The following NAV2 variants were observed in gnomAD, a reference collection of about 807,000 sequenced individuals.
NAV2 encodes helicase, APC down-regulated 1.
Under a neutral mutation model 223.2 loss-of-function variants are expected in NAV2, and 54 were observed. The observed-to-expected ratio is 0.24, with a 90% CI of 0.19 to 0.30. The LOEUF is 0.30. Ranked by LOEUF, NAV2 falls within the 10% of genes least tolerant of loss-of-function variation. The probability of loss-of-function intolerance (pLI) is 1.00; values close to 1 mark genes in which losing one functional copy is unlikely to be tolerated. For synonymous variants in NAV2, 1,279 were observed against 1,239.3 expected (o/e 1.03, Z -0.67); for missense variants, 2,806 against 3,147.5 (o/e 0.89, Z 2.60).
At chr11:19,902,202 T>C (rs550777509) in intron 6 of NAV2, among the ~76,000 whole-genome samples, 3 of 152,318 alleles carry the variant, frequency 2.0e-5, no homozygotes, top group Admixed American at 2.0e-4. Flanking sequence ...CAGTCAAACA[T>C]CAAGGTGAAA....
chr11:20,011,786 C>T (rs554242484), intron 11 of NAV2, among the ~76,000 whole-genome samples: 2 of 152,352 alleles, frequency 1.3e-5, no homozygotes, highest in South Asian at 4.1e-4. Context: ...TTAATGGTCA[C>T]ACACAGGATT....
chr11:19,474,592 T>G (rs1031378323), intron 1 of NAV2, among the ~76,000 whole-genome samples: 13 of 151,966 alleles, frequency 8.6e-5, no homozygotes, highest in Non-Finnish European at 8.8e-5. Flanking sequence ...AGCAATGGAG[T>G]GAAGGAGTGG....
At chr11:19,792,278 T>C (rs2057575445) in intron 1 of NAV2, among the ~76,000 whole-genome samples, 1 of 152,160 alleles carries the variant, frequency 6.6e-6, no homozygotes, top group Non-Finnish European at 1.5e-5. Flanking sequence ...CCTTCTCCCA[T>C]AATTTCTTCT....
intron 1 of NAV2, among the ~76,000 whole-genome samples, chr11:19,479,780 T>C (rs960456680): frequency 9.2e-5 from 14 of 152,202 alleles, no homozygotes; most frequent in Admixed American, 6.5e-4. Context: ...TAGTGCCCAA[T>C]CTAAGCCTTG....
At chr11:20,082,270 GTGAC>G (rs1490808633) in intron 25 of NAV2, among the ~76,000 whole-genome samples, 1 of 152,136 alleles carries the variant, frequency 6.6e-6, no homozygotes, top group Admixed American at 6.5e-5. Context: ...GCACAGAGAG[GTGAC>G]TGACAAGAAA....
intron 1 of NAV2, chr11:19,504,869 A>G (rs1239439052): frequency 1.3e-5 from 2 of 152,250 alleles, no homozygotes; most frequent in Non-Finnish European, 2.9e-5. Context: ...AACTGGTCCC[A>G]ATTCGATCCT....
chr11:19,831,946 C>T (rs1250091854), intron 1 of NAV2, among the ~76,000 whole-genome samples: 1 of 152,208 alleles, frequency 6.6e-6, no homozygotes, highest in Non-Finnish European at 1.5e-5. Flanking sequence ...TAACTTCACT[C>T]ACACAAGAGT....
chr11:19,603,418 G>A (rs1385494917), intron 1 of NAV2, among the ~76,000 whole-genome samples: 1 of 152,056 alleles, frequency 6.6e-6, no homozygotes, highest in Non-Finnish European at 1.5e-5. Flanking sequence ...ACGAGGTCAG[G>A]AGATTAAGAC....
intron 12 of NAV2, among the ~76,000 whole-genome samples, chr11:20,038,909 G>T (rs1329404199): frequency 6.6e-6 from 1 of 152,242 alleles, no homozygotes; most frequent in Non-Finnish European, 1.5e-5. Flanking sequence ...ATAGCTGATT[G>T]AAAGAAGAGG....
intron 11 of NAV2, among the ~76,000 whole-genome samples, chr11:20,025,557 C>A (rs758623061): frequency 1.3e-5 from 2 of 152,156 alleles, no homozygotes; most frequent in Non-Finnish European, 1.5e-5. Flanking sequence ...GGCTTTCTAA[C>A]GCGACCAAGC....
At chr11:20,050,937 G>A (rs2057942218) in intron 16 of NAV2, among the ~76,000 whole-genome samples, 2 of 152,244 alleles carry the variant, frequency 1.3e-5, no homozygotes, top group Admixed American at 6.5e-5. Flanking sequence ...CCGTGTTGGT[G>A]CAGAGAGTGC....
rs745538744 is a variant in NAV2 at position 19,933,816 on chromosome 11, C to T, written c.1572C>T (p.Pro524=). The T allele has an allele frequency of 6.2e-7, 1 of 1,613,542 alleles. No homozygotes were observed. The highest frequency in any genetic ancestry group is 1.1e-5 in the South Asian group (1 of 91,056). The part of the protein sequence containing the change: ...LDLKEEPKED[P]SGAAVPEMPK... ...TCAAGGAGGAGCCAAAAGAAGACCC[C>T]AGTGGAGCAGCTGTGCCCGAGATGC... The change falls in exon 7 of 38, where the codon CCC becomes CCT. Residue 524 remains proline, a synonymous_variant. Coordinates refer to ENST00000349880, the MANE Select transcript of NAV2 (RefSeq NM_145117.5). This position sits in a 1 kb window ranked among gnomAD's most constrained non-coding sequence, Gnocchi z 4.3.
intron 1 of NAV2, among the ~76,000 whole-genome samples, chr11:19,707,205 A>T (rs1219828911): frequency 2.0e-5 from 3 of 152,160 alleles, no homozygotes; most frequent in African/African-American, 4.8e-5. Flanking sequence ...GGCTACACTA[A>T]ATTTATTAAA....
intron 1 of NAV2, among the ~76,000 whole-genome samples, chr11:19,392,696 G>A (rs552735687): frequency 7.9e-5 from 12 of 152,294 alleles, no homozygotes; most frequent in Admixed American, 3.9e-4. Context: ...CCCATATAAC[G>A]GGGAGGGATA....
At chr11:20,109,921 G>A (rs1436915437) in intron 36 of NAV2, among the ~76,000 whole-genome samples, 2 of 152,256 alleles carry the variant, frequency 1.3e-5, no homozygotes, top group Non-Finnish European at 2.9e-5. Flanking sequence ...GCCCCTCACT[G>A]GTTAACAGTG....
chr11:19,934,006 C>T lies in NAV2; in HGVS notation c.1762C>T (p.Arg588Trp), dbSNP rs142297156. 546 of 1,592,504 alleles carry T rather than the reference C, an allele frequency of 3.4e-4. 2 individuals carry two copies. The African/African-American group carries it at 6.3e-3, about 18-fold the overall frequency. Reference sequence around the variant, plus strand: ...CCCAGCGCCTTCCAAGGAAGGGGAGCGGAGCCGGAGTGGGAAGCTGAGCTC... The same window carrying T: ...CCCAGCGCCTTCCAAGGAAGGGGAGTGGAGCCGGAGTGGGAAGCTGAGCTC... Reference protein sequence around the residue: ...SAPAPSKEGERSRSGKLSSGL... With the variant: ...SAPAPSKEGEWSRSGKLSSGL... The change falls in exon 7 of 38, where the codon CGG (arginine) becomes TGG (tryptophan). Residue 588 changes from arginine to tryptophan, a missense_variant. Coordinates refer to ENST00000349880, the MANE Select transcript of NAV2 (RefSeq NM_145117.5).
chr11:19,539,995 A>T (rs780875728), intron 1 of NAV2, among the ~76,000 whole-genome samples: 1 of 152,304 alleles, frequency 6.6e-6, no homozygotes, highest in Admixed American at 6.5e-5. Context: ...AATGGGAGTT[A>T]TGTGCCTGCT....
At chr11:19,777,971 C>T (rs1260951940) in intron 1 of NAV2, 1 of 455,484 alleles carries the variant, frequency 2.2e-6, no homozygotes, top group South Asian at 1.5e-5. Context: ...GTGGGGAATA[C>T]ATGAGCCCCG....
intron 6 of NAV2, among the ~76,000 whole-genome samples, chr11:19,903,751 C>G (rs1297699044): frequency 6.6e-6 from 1 of 152,092 alleles, no homozygotes; most frequent in African/African-American, 2.4e-5. Flanking sequence ...CCTAGAGGAT[C>G]CTTGGTTTCT....
Sources: allele counts gnomAD v4.1 joint callset (sites outside exome capture counted in the v4.1 genomes callset), GRCh38; gene constraint gnomAD v4.1.1; non-coding constraint Gnocchi (gnomAD v3.1); transcripts MANE v1.5; gene names NCBI Gene and HGNC (gene_info 2026-07-23, HGNC 2026-07-21).